OVCH1: variants seen among roughly 807,000 people sequenced by gnomAD.
The protein encoded by OVCH1 is ovochymase 1, also known as ovochymase-1.
In OVCH1, 139 loss-of-function variants were observed where a neutral mutation model predicts 138.4. The observed-to-expected ratio is 1.00, with a 90% CI of 0.87 to 1.16. OVCH1 has a LOEUF of 1.16. OVCH1 is among the 50% of genes most tolerant of loss of function. OVCH1 has a pLI of 0.00. For synonymous variants in OVCH1, 453 were observed against 467.8 expected (o/e 0.97, Z 0.41); for missense variants, 1,367 against 1,357.9 (o/e 1.01, Z -0.11).
chr12:29,422,256 T>TA (rs1941115264), intron 3 of OVCH1, among the ~76,000 whole-genome samples: 1 of 152,128 alleles, frequency 6.6e-6, no homozygotes. Flanking sequence ...AGGGTCAATT[T>TA]AGAGATGAAA....
In OVCH1 at chr12:29,472,116, C is replaced by T. The variant is rs552526689; in HGVS notation, c.1676-134G>A. 3 of 1,008,894 alleles carry T rather than the reference C, an allele frequency of 3.0e-6. No individual in the cohort carries two copies. In the African/African-American group the frequency reaches 5.1e-5, roughly 17 times the overall value. The allele number at this position is 1,008,894 out of a possible 1,614,324, so 62.5% of individuals were successfully genotyped here. A position where few individuals can be genotyped will look rare whatever the true frequency, so the allele number is the denominator to read the frequency against. On this transcript the variant is annotated intron_variant, in intron 15 of 27. Coordinates refer to ENST00000318184, the Ensembl canonical transcript of OVCH1. ...TTTATAATAATATTGACTCCCAAAA[C>T]TCACCTCTGAAAAATCTGATTTTAA...
At chr12:29,405,343 A>C in the OVCH1 span, among the ~76,000 whole-genome samples, 1 of 152,212 alleles carries the variant, frequency 6.6e-6, no homozygotes, top group Non-Finnish European at 1.5e-5. Context: ...TCCTTGAATT[A>C]CCATGCAGGA....
At chr12:29,414,488 T>C (rs576452191) in intron 3 of OVCH1, among the ~76,000 whole-genome samples, 1 of 152,284 alleles carries the variant, frequency 6.6e-6, no homozygotes, top group Non-Finnish European at 1.5e-5. Flanking sequence ...TTCCAGAAAA[T>C]AAATCTGTGC....
In OVCH1 at chr12:29,467,669, G is replaced by T. The variant is rs187177848; in HGVS notation, c.1857-2450C>A. ...AGACAAAAGATTCACATATATAATT[G>T]CAAAGTGAGCTTGGTCTCCAAAAGT... On this transcript the variant is annotated intron_variant, in intron 16 of 27. Transcript: ENST00000318184. Among the ~76,000 whole-genome samples the T allele has an allele frequency of 2.3e-4, 35 of 152,214 alleles. No individual in the cohort carries two copies. In the East Asian group the frequency reaches 6.4e-3, roughly 28 times the overall value.
chr12:29,479,365 C>T (rs1592098935), intron 8 of OVCH1, among the ~76,000 whole-genome samples: 1 of 152,132 alleles, frequency 6.6e-6, no homozygotes, highest in African/African-American at 2.4e-5. Flanking sequence ...CTTAAACAGC[C>T]ACATATTCCA....
intron 22 of OVCH1, 93 bp from the exon 23 acceptor site, chr12:29,445,496 G>A: frequency 8.1e-7 from 1 of 1,235,130 alleles, no homozygotes. Flanking sequence ...TAACCCACGA[G>A]GTAGGAATTG....
rs972357323 is a variant in OVCH1, at chr12:29,413,248, A to G, written c.*72-523T>C. Among the ~76,000 whole-genome samples, 5 of 152,288 alleles carry G rather than the reference A, an allele frequency of 3.3e-5. No individual in the cohort carries two copies. In the East Asian group the frequency reaches 5.8e-4, roughly 18 times the overall value. ...GGATCAGCCCAATTTATATGTTACC[A>G]GTTTGCTCCAGGTATTACCATATCC... On this transcript the variant is annotated intron_variant and NMD_transcript_variant, in intron 3 of 4. Transcript: ENST00000539117.
chr12:29,474,994 C>T, intron 14 of OVCH1, 67 bp downstream of exon 14: 1 of 1,495,204 alleles, frequency 6.7e-7, no homozygotes, highest in Non-Finnish European at 9.0e-7. Flanking sequence ...GTAAACATGG[C>T]TAAATTATCT....
chr12:29,469,235 T>C (rs1278802176), intron 16 of OVCH1, among the ~76,000 whole-genome samples: 1 of 152,170 alleles, frequency 6.6e-6, no homozygotes, highest in Non-Finnish European at 1.5e-5. Context: ...ATAAGTCATG[T>C]TGACTGTATG....
At chr12:29,416,880 T>C (rs1452902392) in intron 3 of OVCH1, among the ~76,000 whole-genome samples, 2 of 152,190 alleles carry the variant, frequency 1.3e-5, no homozygotes, top group Admixed American at 6.5e-5. Flanking sequence ...GTATTTGTAA[T>C]AGCCCAGAGC....
At position 29,449,091 on chromosome 12, in the gene OVCH1, T is replaced by C. The variant is rs542999378; in HGVS notation, c.2755+2254A>G. On this transcript the variant is annotated intron_variant, in intron 22 of 27. Coordinates refer to ENST00000318184, the Ensembl canonical transcript of OVCH1. Reference sequence around the variant, plus strand: ...GGGCTGGCATGTTTTCACCAAATCTTTTCAATCCTGCCACTTTAAAAGCCT... The same window carrying C: ...GGGCTGGCATGTTTTCACCAAATCTCTTCAATCCTGCCACTTTAAAAGCCT... Among the ~76,000 whole-genome samples the C allele has an allele frequency of 1.8e-4, 27 of 152,250 alleles. No individual in the cohort carries two copies. The East Asian group carries it at 4.1e-3, about 23-fold the overall frequency.
rs764621018 is a variant in OVCH1, at chr12:29,451,495, C to A, written c.2605G>T (p.Gly869Ter). ...AGCACCCAAGAACATTCCAGTCTTC[C>A]TCTATAATCCAGTAGATACCGTGGT... Residue 869 changes from glycine to a stop codon, truncating the protein, a stop_gained, in exon 22 of 28, where the codon GGA (glycine) becomes TGA (stop). Transcript: ENST00000318184. LOFTEE classifies it high-confidence loss of function. 6.8e-6 allele frequency: 11 copies of A among 1,613,224 alleles called. No individual in the cohort carries two copies. In the African/African-American group the frequency reaches 1.5e-4, roughly 22 times the overall value.
At chr12:29,440,506 T>C (rs1452287452) in intron 25 of OVCH1, 7 of 302,162 alleles carry the variant, frequency 2.3e-5, no homozygotes, top group African/African-American at 4.5e-5. Context: ...ATAATAGATA[T>C]TTCTAATCCA....
Position 29,465,225 on chromosome 12 carries a change from G to C in OVCH1, c.1857-6C>G. ...AGGAGAGTGGATTATTCTTCCTGGA[G>C]ACAGAAGAACAGTGAAAGTTTGACA... On this transcript the variant is annotated splice_region_variant and splice_polypyrimidine_tract_variant and intron_variant, in intron 16 of 27. Transcript: ENST00000318184. 1 of 1,588,474 alleles carries C rather than the reference G, an allele frequency of 6.3e-7. No individual in the cohort carries two copies. Among genetic ancestry groups the C allele is most frequent in the Non-Finnish European group, 8.6e-7 (1 of 1,165,900 alleles).
chr12:29,460,628 C>T (rs1942099820), intron 19 of OVCH1, among the ~76,000 whole-genome samples: 1 of 152,056 alleles, frequency 6.6e-6, no homozygotes, highest in South Asian at 2.1e-4. Context: ...ATCCCAGCTC[C>T]CTCGCTCCTC....
intron 13 of OVCH1, 40 bp downstream of exon 13, chr12:29,476,165 TC>T: frequency 6.6e-7 from 1 of 1,518,986 alleles, no homozygotes; most frequent in Non-Finnish European, 9.1e-7. Context: ...CTACTCTGAT[TC>T]GTCTAACACT....
intron 4 of OVCH1, among the ~76,000 whole-genome samples, chr12:29,494,746 T>G (rs1943364439): frequency 6.6e-6 from 1 of 152,106 alleles, no homozygotes; most frequent in Non-Finnish European, 1.5e-5. Flanking sequence ...TTCTCCCTCA[T>G]GTGTGAGCTA....
chr12:29,474,916 T>C, intron 14 of OVCH1, 145 bp downstream of exon 14: 3 of 929,130 alleles, frequency 3.2e-6, no homozygotes, highest in Non-Finnish European at 1.5e-6. Context: ...AATCTAGGTT[T>C]CTAGGGGTGG....
intron 16 of OVCH1, among the ~76,000 whole-genome samples, chr12:29,467,253 G>T (rs1443566581): frequency 6.6e-6 from 1 of 152,200 alleles, no homozygotes; most frequent in Non-Finnish European, 1.5e-5. Flanking sequence ...ATAGAAGAGA[G>T]TGTATACAAT....
Sources: gnomAD v4.1 joint callset for allele counts (sites outside exome capture counted in the v4.1 genomes callset) on GRCh38, gnomAD v4.1.1 for gene constraint, MANE v1.5 for transcripts, NCBI Gene and HGNC (gene_info 2026-07-23, HGNC 2026-07-21) for gene names.